The following NAV3 variants were observed in gnomAD, a reference collection of about 807,000 sequenced individuals.
NAV3 encodes the protein neuron navigator 3.
A neutral mutation model predicts 244.7 loss-of-function variants in NAV3; 87 were observed. The ratio of observed to expected loss-of-function variants is 0.36; its 90% CI spans 0.30 to 0.42. The LOEUF (loss-of-function observed/expected upper bound fraction) is 0.42. NAV3 is among the 20% of genes least tolerant of loss of function. The pLI is 1.00. For missense variants in NAV3, 2,663 were observed against 2,893.3 expected, an observed-to-expected ratio of 0.92 and a Z score of 1.83; for synonymous variants, 1,126 against 1,042.2, an observed-to-expected ratio of 1.08 and a Z score of -1.55.
chr12:77,819,757 G>A (rs1313821561), intron 2 of NAV3, among the ~76,000 whole-genome samples: 2 of 152,034 alleles, frequency 1.3e-5, no homozygotes, highest in Admixed American at 6.6e-5. Context: ...CATATTTACA[G>A]AAATCTATTC....
chr12:77,835,664 A>G (rs1222329679), intron 1 of NAV3, among the ~76,000 whole-genome samples: 1 of 152,188 alleles, frequency 6.6e-6, no homozygotes, highest in Non-Finnish European at 1.5e-5. Flanking sequence ...TCATCCTTTG[A>G]TGGCCTTTAA....
intron 28 of NAV3, 132 bp downstream of exon 28, chr12:78,177,817 T>A: frequency 1.2e-6 from 1 of 822,258 alleles, no homozygotes; most frequent in Non-Finnish European, 1.8e-6. Context: ...TTTTTTCAAC[T>A]AAAATTTGGT....
At chr12:78,162,595 G>A (rs1957590329) in intron 23 of NAV3, among the ~76,000 whole-genome samples, 1 of 151,530 alleles carries the variant, frequency 6.6e-6, no homozygotes, top group Non-Finnish European at 1.5e-5. Context: ...CAGGTGTGGT[G>A]ACTCACACGT....
intron 5 of NAV3, among the ~76,000 whole-genome samples, chr12:77,969,739 G>A (rs1419094106): frequency 6.6e-6 from 1 of 152,122 alleles, no homozygotes; most frequent in East Asian, 1.9e-4. Flanking sequence ...CAGCTACTCT[G>A]GAGGCTGAGG....
chr12:77,621,770 A>G (rs1025341515), intron 2 of NAV3, among the ~76,000 whole-genome samples: 1 of 151,988 alleles, frequency 6.6e-6, no homozygotes, highest in Non-Finnish European at 1.5e-5. Context: ...GAGCCACTGC[A>G]CCCGGCCTGA....
chr12:77,861,475 ATTAT>A (rs1387249241), intron 1 of NAV3, among the ~76,000 whole-genome samples: 3 of 151,910 alleles, frequency 2.0e-5, no homozygotes, highest in Admixed American at 6.6e-5. Context: ...TTAAGAGCAA[ATTAT>A]TTAAGCAATG....
chr12:77,865,712 A>G (rs1181780248), intron 1 of NAV3, among the ~76,000 whole-genome samples: 1 of 152,022 alleles, frequency 6.6e-6, no homozygotes, highest in Non-Finnish European at 1.5e-5. Context: ...ATAATATAAA[A>G]CAATTCGTTG....
At chr12:78,157,308 C>T (rs449144) in intron 22 of NAV3, among the ~76,000 whole-genome samples, 8,040 of 150,174 alleles carry the variant, frequency 0.054, 274 homozygotes, top group Non-Finnish European at 0.073. Flanking sequence ...CAACACTTTG[C>T]GGGGCCAAGG....
chr12:77,958,307 G>C (rs1427929422), intron 3 of NAV3, among the ~76,000 whole-genome samples: 2 of 152,116 alleles, frequency 1.3e-5, no homozygotes, highest in Non-Finnish European at 2.9e-5. Flanking sequence ...TAGTGGCTGT[G>C]TCTCGAAATT....
chr12:77,649,809 AT>A (rs1157603398), intron 2 of NAV3, among the ~76,000 whole-genome samples: 2 of 152,090 alleles, frequency 1.3e-5, no homozygotes, highest in Admixed American at 6.6e-5. Flanking sequence ...GATTTAATCG[AT>A]TTTTTTAAGT....
intron 1 of NAV3, among the ~76,000 whole-genome samples, chr12:77,939,799 T>C (rs1467404060): frequency 1.3e-5 from 2 of 152,278 alleles, no homozygotes; most frequent in African/African-American, 4.8e-5. Flanking sequence ...AAGACGACAA[T>C]CCAAATCAAA....
In NAV3 at chr12:78,200,659, CA is replaced by C. The variant is rs959228956; in HGVS notation, c.6834+77del. ...AAAGCAAAAAAAATTACTTTAAAAG[CA>C]AAAAAAAATATCTGGGTATTTATGC... is the stretch of plus-strand genomic sequence containing the variant. On this transcript the variant is annotated intron_variant, in intron 38 of 39. Transcript: ENST00000397909. 3,099 of 835,972 alleles carry C rather than the reference CA, an allele frequency of 3.7e-3. 2 individuals carry two copies. The highest frequency in any genetic ancestry group is 0.012 in the African/African-American group (639 of 54,594). The allele number at this position is 835,972 out of a possible 1,614,324, so 51.8% of individuals were successfully genotyped here.
chr12:78,205,778 C>T (rs2140094309), intron 39 of NAV3, among the ~76,000 whole-genome samples: 1 of 152,054 alleles, frequency 6.6e-6, no homozygotes, highest in African/African-American at 2.4e-5. Flanking sequence ...TTACAGATTA[C>T]TTTCAATATA....
intron 2 of NAV3, among the ~76,000 whole-genome samples, chr12:77,800,785 T>C (rs1871663941): frequency 6.6e-6 from 1 of 152,136 alleles, no homozygotes; most frequent in Non-Finnish European, 1.5e-5. Context: ...TTTTGTAAGA[T>C]AAAACACACA....
At chr12:77,621,364 A>T (rs1165063930) in intron 2 of NAV3, among the ~76,000 whole-genome samples, 1 of 152,168 alleles carries the variant, frequency 6.6e-6, no homozygotes, top group Non-Finnish European at 1.5e-5. Context: ...TGAGAAATGA[A>T]CCACTGTGAC....
intron 12 of NAV3, among the ~76,000 whole-genome samples, chr12:78,079,606 GAAAA>G (rs76738232): frequency 6.6e-6 from 1 of 151,936 alleles, no homozygotes. Context: ...TCTCTTCATA[GAAAA>G]AATTATTAGC....
At chr12:77,709,823 A>G (rs910788973) in intron 2 of NAV3, among the ~76,000 whole-genome samples, 1 of 152,170 alleles carries the variant, frequency 6.6e-6, no homozygotes, top group South Asian at 2.1e-4. Flanking sequence ...CATAGAGTAG[A>G]TACTTAGTTA....
At chr12:77,767,191 A>C (rs1474664057) in intron 2 of NAV3, among the ~76,000 whole-genome samples, 1 of 152,218 alleles carries the variant, frequency 6.6e-6, no homozygotes. Context: ...ACTAAGTCTT[A>C]ACTTTGATCT....
chr12:77,658,198 T>A (rs1269692081), intron 2 of NAV3, among the ~76,000 whole-genome samples: 3 of 152,090 alleles, frequency 2.0e-5, no homozygotes, highest in Non-Finnish European at 4.4e-5. Context: ...TGATTGTATA[T>A]CTAGAAAACC....
Sources: gnomAD v4.1 joint callset for allele counts (sites outside exome capture counted in the v4.1 genomes callset) on GRCh38, gnomAD v4.1.1 for gene constraint, MANE v1.5 for transcripts, NCBI Gene and HGNC (gene_info 2026-07-23, HGNC 2026-07-21) for gene names.